The following ZNF423 variants were observed in gnomAD, a reference collection of about 807,000 sequenced individuals.
The protein encoded by ZNF423 is Ebf-associated zinc finger protein.
Under a neutral mutation model 95.8 loss-of-function variants are expected in ZNF423, and 12 were observed. The ratio of observed to expected loss-of-function variants is 0.13; its 90% CI spans 0.08 to 0.20. The LOEUF (loss-of-function observed/expected upper bound fraction) is 0.20, where lower values mean the gene tolerates loss of function less well. ZNF423 is among the 10% of genes least tolerant of loss of function. The pLI, the probability that ZNF423 is intolerant of heterozygous loss-of-function variation, is 1.00. For synonymous variants in ZNF423, 749 were observed against 711.9 expected, an observed-to-expected ratio of 1.05 and a Z score of -0.83; for missense variants, 1,316 against 1,737.1, an observed-to-expected ratio of 0.76 and a Z score of 4.31.
chr16:49,527,066 G>A (rs986511215), intron 5 of ZNF423, among the ~76,000 whole-genome samples: 2 of 152,176 alleles, frequency 1.3e-5, no homozygotes, highest in African/African-American at 2.4e-5. Context: ...GGCTCCTGGC[G>A]AGTCCCTGGG....
At chr16:49,738,040 T>C (rs1392566183) in intron 2 of ZNF423, among the ~76,000 whole-genome samples, 1 of 152,184 alleles carries the variant, frequency 6.6e-6, no homozygotes, top group Non-Finnish European at 1.5e-5. Flanking sequence ...CAGAGAGACC[T>C]AGGACAGAGC....
chr16:49,550,788 C>T lies in ZNF423; in HGVS notation c.3602-25294G>A, dbSNP rs570777862. The stretch of plus-strand genomic sequence containing the variant: ...GCCAGTAATGATTTTGGGGATGTGG[C>T]CGGCCCAACAAGTCTAGCTCTGAGG... On this transcript the variant is annotated intron_variant, in intron 5 of 7. Coordinates refer to ENST00000563137, the MANE Select transcript of ZNF423 (RefSeq NM_001379286.1). Among the ~76,000 whole-genome samples, 11 of 152,372 alleles carry T rather than the reference C, an allele frequency of 7.2e-5. No homozygotes were observed. In the East Asian group the frequency reaches 9.7e-4, roughly 13 times the overall value.
chr16:49,660,220 A>AATGAATGAATGG (rs140252244), intron 3 of ZNF423, among the ~76,000 whole-genome samples: 4,746 of 152,180 alleles, frequency 0.031, 123 homozygotes, highest in African/African-American at 0.059. Context: ...TGAATGAATG[A>AATGAATGAATGG]ATGGATGAAA....
rs1349055075 is a variant in ZNF423 at position 49,813,623 on chromosome 16, C to T, written c.41-24077G>A. On this transcript the variant is annotated intron_variant, in intron 1 of 7. Transcript: ENST00000563137. ...CCGGAAGAGAACATCCATTCCCTCTCGCTCCCGCATCTCCAGAGCTGCCCC... is the reference window on the plus strand; with the variant it reads ...CCGGAAGAGAACATCCATTCCCTCTTGCTCCCGCATCTCCAGAGCTGCCCC... Among the ~76,000 whole-genome samples, 5 of 152,120 alleles carry T rather than the reference C, an allele frequency of 3.3e-5. No individual in the cohort carries two copies. The East Asian group carries it at 7.7e-4, about 24-fold the overall frequency.
At chr16:49,781,234 A>C (rs2143772350) in intron 2 of ZNF423, among the ~76,000 whole-genome samples, 1 of 152,292 alleles carries the variant, frequency 6.6e-6, no homozygotes, top group South Asian at 2.1e-4. Context: ...AAAAAAAAAG[A>C]CCACCCACAC....
In ZNF423 at chr16:49,523,779, C is replaced by A. The variant is rs758710254; in HGVS notation, c.3734-40G>T. 2.6e-6 allele frequency: 4 copies of A among 1,554,014 alleles called. No individual in the cohort carries two copies. In the Admixed American group the frequency reaches 6.7e-5, roughly 26 times the overall value. On this transcript the variant is annotated intron_variant, in intron 6 of 7. Coordinates refer to ENST00000563137, the MANE Select transcript of ZNF423 (RefSeq NM_001379286.1). ...GGCTGTCAGGGCCAAGCTCAGGACACCAGCCCAGCCTCCTGTGGCAGCTGC... is the reference window on the plus strand; with the variant it reads ...GGCTGTCAGGGCCAAGCTCAGGACAACAGCCCAGCCTCCTGTGGCAGCTGC...
At chr16:49,550,747 G>A (rs1969602395) in intron 5 of ZNF423, among the ~76,000 whole-genome samples, 1 of 152,252 alleles carries the variant, frequency 6.6e-6, no homozygotes, top group Admixed American at 6.5e-5. Flanking sequence ...TCTCCCCAAA[G>A]GGGCTCTCAA....
chr16:49,670,272 C>A (rs191411882), intron 3 of ZNF423, among the ~76,000 whole-genome samples: 59 of 152,358 alleles, frequency 3.9e-4, no homozygotes, highest in African/African-American at 1.4e-3. Context: ...TGGTTGAGTT[C>A]TCCCAGCCGC....
intron 1 of ZNF423, among the ~76,000 whole-genome samples, chr16:49,814,758 C>T (rs1266050262): frequency 1.3e-5 from 2 of 152,092 alleles, no homozygotes; most frequent in South Asian, 4.1e-4. Flanking sequence ...CATTTATCTA[C>T]CTCATTCAAA....
At chr16:49,674,754 G>A (rs779675067) in intron 3 of ZNF423, among the ~76,000 whole-genome samples, 3 of 152,176 alleles carry the variant, frequency 2.0e-5, no homozygotes, top group Non-Finnish European at 4.4e-5. Flanking sequence ...GGAACAGATG[G>A]GAAGGCAGGG....
chr16:49,782,029 G>A (rs1481646875), intron 2 of ZNF423, among the ~76,000 whole-genome samples: 2 of 152,236 alleles, frequency 1.3e-5, no homozygotes, highest in African/African-American at 4.8e-5. Context: ...CAGAGAGCCT[G>A]GCCCAGTGTT....
intron 5 of ZNF423, among the ~76,000 whole-genome samples, chr16:49,565,143 G>A (rs920982604): frequency 1.3e-5 from 2 of 152,170 alleles, no homozygotes; most frequent in African/African-American, 4.8e-5. Flanking sequence ...GCACGGCGCC[G>A]CAGCTGCTGT....
In ZNF423 at chr16:49,855,929, G is replaced by A. The variant is rs562375129; in HGVS notation, c.-155C>T. 7 of 149,674 alleles carry A rather than the reference G, an allele frequency of 4.7e-5. No individual in the cohort carries two copies. Among genetic ancestry groups the A allele is most frequent in the South Asian group, 4.2e-4 (2 of 4,768 alleles). 9.3% of individuals were successfully genotyped at this position (149,674 alleles called of 1,614,324 possible). On this transcript the variant is annotated 5_prime_UTR_variant, in exon 1 of 8. Coordinates refer to ENST00000563137, the MANE Select transcript of ZNF423 (RefSeq NM_001379286.1). The surrounding 1 kb of genome is among the most constrained non-coding windows in gnomAD (Gnocchi z 4.7). The stretch of plus-strand genomic sequence containing the variant: ...TGGCGGCTGTGGGGAGCGGACCGCA[G>A]GTCCGGGGCGGCCTCCCTTGGGGGG...
At chr16:49,613,279 T>A (rs1424135960) in intron 5 of ZNF423, among the ~76,000 whole-genome samples, 4 of 152,258 alleles carry the variant, frequency 2.6e-5, no homozygotes, top group Non-Finnish European at 5.9e-5. Context: ...ACTTATTCTA[T>A]AGCTATAGTA....
At chr16:49,627,976 C>CCCAT (rs1426507487) in intron 4 of ZNF423, among the ~76,000 whole-genome samples, 1 of 149,586 alleles carries the variant, frequency 6.7e-6, no homozygotes, top group Non-Finnish European at 1.5e-5. Context: ...ATCTACTCCA[C>CCCAT]CCATCCATCC....
At chr16:49,550,737 T>C (rs1488343383) in intron 5 of ZNF423, among the ~76,000 whole-genome samples, 1 of 152,188 alleles carries the variant, frequency 6.6e-6, no homozygotes, top group African/African-American at 2.4e-5. Flanking sequence ...GGAATGTAGG[T>C]CTCCCCAAAG....
At chr16:49,847,456 A>G (rs1003219998) in intron 1 of ZNF423, 1 of 152,158 alleles carries the variant, frequency 6.6e-6, no homozygotes, top group East Asian at 1.9e-4. Flanking sequence ...GACAAAACAA[A>G]TATTCTAATC....
At chr16:49,826,136 C>T (rs928946370) in intron 1 of ZNF423, among the ~76,000 whole-genome samples, 5 of 152,160 alleles carry the variant, frequency 3.3e-5, no homozygotes, top group African/African-American at 9.7e-5. Context: ...TGCTTGAGCC[C>T]GGGAGGTCGA....
chr16:49,817,780 G>C (rs1423246587), intron 1 of ZNF423, among the ~76,000 whole-genome samples: 1 of 152,162 alleles, frequency 6.6e-6, no homozygotes, highest in Non-Finnish European at 1.5e-5. Context: ...CATGCAGTTT[G>C]AGTCTATCCA....
Sources: gnomAD v4.1 joint callset for allele counts (sites outside exome capture counted in the v4.1 genomes callset) on GRCh38, gnomAD v4.1.1 for gene constraint, Gnocchi (gnomAD v3.1) non-coding constraint, MANE v1.5 for transcripts, NCBI Gene and HGNC (gene_info 2026-07-23, HGNC 2026-07-21) for gene names.